Variants in ADGRG1 observed in about 807,000 individuals in gnomAD.
The protein encoded by ADGRG1 is 7-transmembrane protein with no EGF-like N-terminal domains-1.
In ADGRG1, 53 loss-of-function variants were observed where a neutral mutation model predicts 73.5. The observed-to-expected ratio is 0.72, with a 90% CI of 0.58 to 0.91. ADGRG1 has a LOEUF of 0.91. ADGRG1 is among the 40% of genes least tolerant of loss of function. The pLI is 0.00. For missense variants in ADGRG1, 795 were observed against 871.8 expected, an observed-to-expected ratio of 0.91 and a Z score of 1.11; for synonymous variants, 394 against 374.4, an observed-to-expected ratio of 1.05 and a Z score of -0.60.
chr16:57,652,466 C>A (rs568921810), intron 3 of ADGRG1, among the ~76,000 whole-genome samples: 2 of 152,254 alleles, frequency 1.3e-5, no homozygotes, highest in African/African-American at 4.8e-5. Flanking sequence ...TGGGGGGTTC[C>A]CCACACCCCA....
intron 1 of ADGRG1, among the ~76,000 whole-genome samples, chr16:57,644,712 TGATCACACGCACTG>T (rs1194539897): frequency 1.9e-5 from 1 of 53,328 alleles, no homozygotes; most frequent in Admixed American, 1.8e-4. Context: ...GGGCACACAC[TGATCACACGCACTG>T]GCACACACTG....
Position 57,651,370 on chromosome 16 carries a change from C to G in ADGRG1, c.235C>G (p.Arg79Gly), listed in dbSNP as rs780718243. The part of the protein sequence containing the change: ...APFPAAHPAS[R>G]SFPDPRGLYH... ...TTTCCCTGCAGCCCACCCTGCTTCC[C>G]GATCCTTCCCTGACCCCAGGGGCCT... The change falls in exon 3 of 14, where the codon CGA becomes GGA. Residue 79 changes from arginine to glycine, a missense_variant. Coordinates refer to ENST00000562631, the MANE Select transcript of ADGRG1 (RefSeq NM_201525.4). 8 of 1,614,220 alleles carry G rather than the reference C, an allele frequency of 5.0e-6. No individual in the cohort carries two copies. Among genetic ancestry groups the G allele is most frequent in the Non-Finnish European group, 6.8e-6 (8 of 1,180,040 alleles).
rs764921242 is a variant in ADGRG1 at position 57,663,563 on chromosome 16, C to A, written c.2045C>A (p.Thr682Asn). The stretch of plus-strand genomic sequence containing the variant: ...AGGCTCCCCATCAGCTCGGGCAGCA[C>A]CTCGTCCAGCCGCATCTAGGCCTCC... ...SARLPISSGS[T>N]SSSRI The change falls in exon 14 of 14, where the codon ACC (threonine) becomes AAC (asparagine). Residue 682 changes from threonine (T) to asparagine (N), a missense_variant. Thr to Asn is a moderately conservative substitution (Grantham distance 65). Coordinates refer to ENST00000562631, the MANE Select transcript of ADGRG1 (RefSeq NM_201525.4). The A allele has an allele frequency of 6.2e-7, 1 of 1,613,564 alleles. No individual in the cohort carries two copies. The highest frequency in any genetic ancestry group is 1.1e-5 in the South Asian group (1 of 91,088).
intron 13 of ADGRG1, among the ~76,000 whole-genome samples, 197 bp downstream of exon 13, chr16:57,662,162 C>T (rs1372473306): frequency 6.6e-6 from 1 of 152,246 alleles, no homozygotes; most frequent in Non-Finnish European, 1.5e-5. Flanking sequence ...TGTTAAGCCA[C>T]AGGGCTTATG....
intron 1 of ADGRG1, chr16:57,636,034 A>G (rs2039275172): frequency 3.0e-6 from 3 of 985,294 alleles, no homozygotes; most frequent in Non-Finnish European, 3.6e-6. Context: ...GCTAGATCGC[A>G]GGACCCCATG....
intron 1 of ADGRG1, chr16:57,640,324 C>T (rs2040480036): frequency 1.3e-5 from 2 of 152,222 alleles, no homozygotes; most frequent in South Asian, 4.1e-4. Flanking sequence ...CTGGAGCCAG[C>T]CCTGGGTTCG....
intron 1 of ADGRG1, among the ~76,000 whole-genome samples, chr16:57,634,733 G>A (rs997522605): frequency 2.6e-5 from 4 of 152,216 alleles, no homozygotes; most frequent in Admixed American, 6.5e-5. Context: ...CTTTGGCATC[G>A]CATGGGGCTC....
At chr16:57,632,264 G>A (rs759057391) in intron 1 of ADGRG1, 148 of 985,270 alleles carry the variant, frequency 1.5e-4, no homozygotes, top group Non-Finnish European at 1.7e-4. Flanking sequence ...CCAAATCCAC[G>A]CACCTGTAGG....
chr16:57,649,345 G>A (rs2043455369), intron 1 of ADGRG1, among the ~76,000 whole-genome samples: 1 of 152,324 alleles, frequency 6.6e-6, no homozygotes, highest in African/African-American at 2.4e-5. Context: ...AGATGGATCA[G>A]GTGCTCCCTG....
intron 1 of ADGRG1, chr16:57,632,885 G>T: frequency 1.0e-6 from 1 of 985,462 alleles, no homozygotes; most frequent in East Asian, 1.1e-4. Flanking sequence ...CTGGTGGCCT[G>T]AAAAGTTCTG....
Position 57,661,705 on chromosome 16 carries a change from T to A in ADGRG1, c.1673T>A (p.Ile558Asn). 1 of 1,613,680 alleles carries A rather than the reference T, an allele frequency of 6.2e-7. No homozygotes were observed. The highest frequency in any genetic ancestry group is 8.5e-7 in the Non-Finnish European group (1 of 1,179,790). The change falls in exon 13 of 14, where the codon ATC (isoleucine) becomes AAC (asparagine). Residue 558 changes from isoleucine to asparagine, a missense_variant. By Grantham distance (149) the Ile-to-Asn change is moderately radical. Coordinates refer to ENST00000562631, the MANE Select transcript of ADGRG1 (RefSeq NM_201525.4). Reference sequence around the variant, plus strand: ...CCTGCCTTTGCCCGCAGGTGCTGGATCCGGGACTCCCTGGTCAGCTACATC... The same window carrying A: ...CCTGCCTTTGCCCGCAGGTGCTGGAACCGGGACTCCCTGGTCAGCTACATC... The part of the protein sequence containing the change: ...EGVIYPSMCW[I>N]RDSLVSYITN...
upstream of ADGRG1, chr16:57,623,861 T>C (rs2147005792): frequency 3.1e-6 from 3 of 981,358 alleles, no homozygotes; most frequent in South Asian, 4.7e-5. Flanking sequence ...GCTGGGAACA[T>C]TGGCCGCAAA....
Position 57,656,529 on chromosome 16 carries a change from A to G in ADGRG1, c.1079A>G (p.His360Arg), listed in dbSNP as rs150233291. 12 of 1,613,296 alleles carry G rather than the reference A, an allele frequency of 7.4e-6. No individual in the cohort carries two copies. The African/African-American group carries it at 1.3e-4, about 18-fold the overall frequency. ...VEDPTLSSPG[H>R]WSSAGCETVR... ...CCCTCCTCAGTGAGCAGCCCGGGGCATTGGAGCAGTGCTGGGTGTGAGACC... is the reference window on the plus strand; with the variant it reads ...CCCTCCTCAGTGAGCAGCCCGGGGCGTTGGAGCAGTGCTGGGTGTGAGACC... Residue 360 changes from histidine to arginine, a missense_variant, in exon 9 of 14, where the codon CAT becomes CGT. Transcript: ENST00000562631.
intron 3 of ADGRG1, chr16:57,652,681 T>C: frequency 1.0e-6 from 1 of 991,520 alleles, no homozygotes; most frequent in Middle Eastern, 5.2e-4. Flanking sequence ...AGGGCCTGCC[T>C]TCCTCAGTGG....
At position 57,651,522 on chromosome 16, in the gene ADGRG1, G is replaced by C. The variant is rs1486215571; in HGVS notation, c.387G>C (p.Leu129=). ...LLCFQHQEES[L]AQGPPLLATS... ...GCTTCCAGCACCAGGAGGAGAGCCT[G>C]GCTCAGGGCCCCCCGCTGTTAGCCA... Residue 129 remains leucine, a synonymous_variant, in exon 3 of 14, where the codon CTG becomes CTC. Coordinates refer to ENST00000562631, the MANE Select transcript of ADGRG1 (RefSeq NM_201525.4). 6.2e-7 allele frequency: 1 copy of C among 1,614,240 alleles called. No individual in the cohort carries two copies. The highest frequency in any genetic ancestry group is 2.2e-5 in the East Asian group (1 of 44,886).
rs145695906 is a variant in ADGRG1, at chr16:57,656,111, G to T, written c.1018-115G>T. The T allele has an allele frequency of 8.1e-6, 13 of 1,613,454 alleles. No individual in the cohort carries two copies. The East Asian group carries it at 2.9e-4, about 36-fold the overall frequency. On this transcript the variant is annotated intron_variant, in intron 7 of 13. Coordinates refer to ENST00000562631, the MANE Select transcript of ADGRG1 (RefSeq NM_201525.4). ...AACGATTGCCTGATCGAGCAGTCAG[G>T]TCCAAATGGGGCGGGTGGTGGCTTG...
upstream of ADGRG1, chr16:57,626,703 C>T (rs2035900196): frequency 2.0e-6 from 2 of 984,942 alleles, no homozygotes; most frequent in African/African-American, 1.8e-5. Flanking sequence ...GGTCAGCACG[C>T]TCTGTGGGGT....
At chr16:57,634,163 G>A (rs2038759975) in intron 1 of ADGRG1, 3 of 985,314 alleles carry the variant, frequency 3.0e-6, no homozygotes, top group Admixed American at 6.1e-5. Context: ...CTAGGCCCCT[G>A]GGAGCTAGGC....
rs758222525 is a variant in ADGRG1, at chr16:57,651,585, C to T, written c.450C>T (p.Ser150=). The T allele has an allele frequency of 1.9e-6, 3 of 1,614,042 alleles. No homozygotes were observed. The highest frequency in any genetic ancestry group is 1.7e-6 in the Non-Finnish European group (2 of 1,180,038). Reference sequence around the variant, plus strand: ...CCTGGTGGAGCCCTCAGAACATCAGCCTGCCCAGTGCCGCCAGCTTCACCT... The same window carrying T: ...CCTGGTGGAGCCCTCAGAACATCAGTCTGCCCAGTGCCGCCAGCTTCACCT... ...VTSWWSPQNI[S]LPSAASFTFS... The change falls in exon 3 of 14, where the codon AGC becomes AGT. Residue 150 remains serine, a synonymous_variant. Transcript: ENST00000562631.
Sources: gnomAD v4.1 joint callset for allele counts (sites outside exome capture counted in the v4.1 genomes callset) on GRCh38, gnomAD v4.1.1 for gene constraint, MANE v1.5 for transcripts, NCBI Gene and HGNC (gene_info 2026-07-23, HGNC 2026-07-21) for gene names.